The following ASIC2 variants were observed in gnomAD, a reference collection of about 807,000 sequenced individuals.
The protein encoded by ASIC2 is acid-sensing ion channel 2.
A neutral mutation model predicts 57.3 loss-of-function variants in ASIC2; 25 were observed. The ratio of observed to expected loss-of-function variants is 0.44; its 90% CI spans 0.32 to 0.61. The LOEUF (loss-of-function observed/expected upper bound fraction) is 0.61. ASIC2 is among the 20% of genes least tolerant of loss of function. The probability of loss-of-function intolerance (pLI) is 0.06; values close to 1 mark genes in which losing one functional copy is unlikely to be tolerated. For synonymous variants in ASIC2, 319 were observed against 307.5 expected, an observed-to-expected ratio of 1.04 and a Z score of -0.39; for missense variants, 641 against 738.1, an observed-to-expected ratio of 0.87 and a Z score of 1.52.
At chr17:33,659,213 C>T (rs1255652286) in intron 1 of ASIC2, among the ~76,000 whole-genome samples, 1 of 152,172 alleles carries the variant, frequency 6.6e-6, no homozygotes, top group African/African-American at 2.4e-5. Flanking sequence ...CTCTGCAGTT[C>T]CTTGAAGCAT....
intron 1 of ASIC2, among the ~76,000 whole-genome samples, chr17:33,847,791 C>A (rs1164558773): frequency 1.3e-5 from 2 of 152,098 alleles, no homozygotes; most frequent in Non-Finnish European, 2.9e-5. Context: ...AAAGTACAGG[C>A]CAATGGGAGC....
intron 1 of ASIC2, among the ~76,000 whole-genome samples, chr17:33,332,464 G>A (rs568295029): frequency 2.0e-5 from 3 of 152,192 alleles, no homozygotes; most frequent in African/African-American, 7.2e-5. Flanking sequence ...TGTGTGTGTT[G>A]TATCCTCACA....
At chr17:33,019,552 G>A (rs890312558) in intron 7 of ASIC2, among the ~76,000 whole-genome samples, 2 of 151,890 alleles carry the variant, frequency 1.3e-5, no homozygotes, top group African/African-American at 2.4e-5. Flanking sequence ...TGTGTGTAGC[G>A]TGCACGTGCA....
intron 1 of ASIC2, among the ~76,000 whole-genome samples, chr17:33,484,383 T>C (rs1386348751): frequency 4.6e-5 from 7 of 152,188 alleles, no homozygotes; most frequent in Admixed American, 2.0e-4. Context: ...GATATCCCCA[T>C]TGAAATGCAT....
At chr17:33,486,576 G>A (rs1292349997) in intron 1 of ASIC2, among the ~76,000 whole-genome samples, 3 of 152,240 alleles carry the variant, frequency 2.0e-5, no homozygotes, top group African/African-American at 7.2e-5. Flanking sequence ...TTCCCCTACA[G>A]GGACAGGACT....
intron 1 of ASIC2, among the ~76,000 whole-genome samples, chr17:33,626,385 T>C (rs111944549): frequency 0.018 from 2,800 of 152,348 alleles, 93 homozygotes; most frequent in African/African-American, 0.064. Context: ...TGGTTAATTA[T>C]TAAATTTAGA....
At chr17:33,015,621 C>A (rs2091801592) in intron 9 of ASIC2, among the ~76,000 whole-genome samples, 1 of 152,210 alleles carries the variant, frequency 6.6e-6, no homozygotes, top group African/African-American at 2.4e-5. Context: ...ACTTTGCCAC[C>A]ACTGGGGAAT....
intron 1 of ASIC2, among the ~76,000 whole-genome samples, chr17:33,538,534 C>T (rs533559662): frequency 1.3e-5 from 2 of 152,278 alleles, no homozygotes; most frequent in African/African-American, 4.8e-5. Context: ...GGTCACAAGG[C>T]CAGTGCTTGG....
At chr17:33,407,217 T>C (rs1001887150) in intron 1 of ASIC2, among the ~76,000 whole-genome samples, 5 of 152,176 alleles carry the variant, frequency 3.3e-5, no homozygotes, top group Non-Finnish European at 5.9e-5. Flanking sequence ...TCTAAGAAAA[T>C]CATCTTGGAG....
chr17:33,528,791 C>T (rs1285541977), intron 1 of ASIC2, among the ~76,000 whole-genome samples: 2 of 152,154 alleles, frequency 1.3e-5, no homozygotes, highest in African/African-American at 4.8e-5. Context: ...CTGCTTTTCC[C>T]CTGTGCCTTC....
In ASIC2 at chr17:33,693,270, G is replaced by C. The variant is rs915659266; in HGVS notation, c.555+462708C>G. Among the ~76,000 whole-genome samples, 7 of 152,190 alleles carry C rather than the reference G, an allele frequency of 4.6e-5. No homozygotes were observed. The East Asian group carries it at 1.4e-3, about 29-fold the overall frequency. On this transcript the variant is annotated intron_variant, in intron 1 of 9. Transcript: ENST00000359872. Reference sequence around the variant, plus strand: ...TGTTTTGTTTCAAAAACAATCTGTTGTTAATTTTATTTAGTACTGCATTAA... The same window carrying C: ...TGTTTTGTTTCAAAAACAATCTGTTCTTAATTTTATTTAGTACTGCATTAA...
At chr17:34,077,694 T>C (rs1304928953) in intron 1 of ASIC2, among the ~76,000 whole-genome samples, 1 of 152,170 alleles carries the variant, frequency 6.6e-6, no homozygotes, top group African/African-American at 2.4e-5. Flanking sequence ...AGATGTTAAT[T>C]GCGTCCTCAT....
At chr17:33,503,224 C>T (rs752674487) in intron 1 of ASIC2, among the ~76,000 whole-genome samples, 13 of 152,138 alleles carry the variant, frequency 8.5e-5, no homozygotes, top group Non-Finnish European at 1.5e-4. Context: ...GATAAAATTG[C>T]TGGATTTTTA....
At chr17:33,665,110 T>G (rs1907427859) in intron 1 of ASIC2, among the ~76,000 whole-genome samples, 1 of 152,156 alleles carries the variant, frequency 6.6e-6, no homozygotes, top group African/African-American at 2.4e-5. Flanking sequence ...GTCACACGAT[T>G]CCTCAATTTC....
chr17:34,045,852 G>A (rs1908316693), intron 1 of ASIC2, among the ~76,000 whole-genome samples: 1 of 152,164 alleles, frequency 6.6e-6, no homozygotes, highest in African/African-American at 2.4e-5. Context: ...CGCATTAAAA[G>A]ATTAAATGAG....
chr17:33,645,661 G>A (rs1464306846), intron 1 of ASIC2, among the ~76,000 whole-genome samples: 1 of 152,110 alleles, frequency 6.6e-6, no homozygotes, highest in Non-Finnish European at 1.5e-5. Flanking sequence ...TTTGACACCT[G>A]GTATCTGACC....
chr17:33,259,349 T>C (rs1010943455), intron 1 of ASIC2, among the ~76,000 whole-genome samples: 1 of 152,132 alleles, frequency 6.6e-6, no homozygotes, highest in Non-Finnish European at 1.5e-5. Context: ...AAAACCAGGG[T>C]CATAAAACCC....
intron 1 of ASIC2, among the ~76,000 whole-genome samples, chr17:33,246,379 C>A (rs1908689779): frequency 2.6e-5 from 4 of 152,296 alleles, no homozygotes; most frequent in South Asian, 4.1e-4. Context: ...GATGAAACGC[C>A]ATGTGTAAAG....
At chr17:33,533,163 T>A (rs1287210630) in intron 1 of ASIC2, among the ~76,000 whole-genome samples, 2 of 152,044 alleles carry the variant, frequency 1.3e-5, no homozygotes, top group Non-Finnish European at 2.9e-5. Flanking sequence ...CTGGCCAACA[T>A]GGTGAAACCC....
Sources: gnomAD v4.1 joint callset for allele counts (sites outside exome capture counted in the v4.1 genomes callset) on GRCh38, gnomAD v4.1.1 for gene constraint, MANE v1.5 for transcripts, NCBI Gene and HGNC (gene_info 2026-07-23, HGNC 2026-07-21) for gene names.